Variants in STXBP3 observed in about 807,000 individuals in gnomAD.
STXBP3 encodes syntaxin binding protein 3.
A neutral mutation model predicts 85.7 loss-of-function variants in STXBP3; 41 were observed. That is an observed-to-expected ratio of 0.48 (90% CI 0.37 to 0.62). The LOEUF is 0.62. STXBP3 is among the 20% of genes least tolerant of loss of function. The pLI, the probability that STXBP3 is intolerant of heterozygous loss-of-function variation, is 0.00. For synonymous variants in STXBP3, 229 were observed against 231.7 expected (o/e 0.99, Z 0.10); for missense variants, 563 against 703.1 (o/e 0.80, Z 2.25).
intron 6 of STXBP3, among the ~76,000 whole-genome samples, chr1:108,764,282 T>C (rs1413707164): frequency 1.3e-5 from 2 of 152,220 alleles, no homozygotes; most frequent in Non-Finnish European, 2.9e-5. Flanking sequence ...ACCACATTTT[T>C]TTTAATCCAG....
chr1:108,750,135 C>T (rs1661870729), intron 1 of STXBP3, among the ~76,000 whole-genome samples: 1 of 151,930 alleles, frequency 6.6e-6, no homozygotes, highest in Non-Finnish European at 1.5e-5. Flanking sequence ...CAATCTGCTC[C>T]ATCATAAATT....
intron 11 of STXBP3, among the ~76,000 whole-genome samples, chr1:108,790,436 C>CT (rs952355690): frequency 9.2e-5 from 14 of 151,970 alleles, no homozygotes; most frequent in Admixed American, 2.6e-4. Context: ...TTTTCCCATC[C>CT]TTTACTTTCA....
At chr1:108,766,869 T>C (rs749835488) in intron 6 of STXBP3, 2 of 481,212 alleles carry the variant, frequency 4.2e-6, no homozygotes, top group Non-Finnish European at 8.3e-6. Context: ...TTGTGGTCTA[T>C]ACTTTGTAAG....
At chr1:108,752,060 A>G (rs1661916223) in intron 1 of STXBP3, among the ~76,000 whole-genome samples, 197 bp from the exon 2 acceptor site, 1 of 152,218 alleles carries the variant, frequency 6.6e-6, no homozygotes, top group Admixed American at 6.5e-5. Context: ...TAAAGTTAAA[A>G]AATTGATTAC....
At chr1:108,780,079 A>G (rs1405883821) in intron 9 of STXBP3, 3 of 152,134 alleles carry the variant, frequency 2.0e-5, no homozygotes, top group African/African-American at 7.2e-5. Context: ...CCAAACTGGT[A>G]TTTGTCAGCT....
At chr1:108,804,943 C>T (rs1227462291) in intron 17 of STXBP3, among the ~76,000 whole-genome samples, 1 of 152,188 alleles carries the variant, frequency 6.6e-6, no homozygotes, top group East Asian at 1.9e-4. Context: ...ATTTAGCTTC[C>T]TTTTTACCAA....
chr1:108,752,182 A>T, intron 1 of STXBP3, 75 bp from the exon 2 acceptor site: 1 of 1,349,210 alleles, frequency 7.4e-7, no homozygotes, highest in Non-Finnish European at 1.0e-6. Context: ...ATTTTTCCTT[A>T]GCCATTTTGG....
At chr1:108,770,974 C>T (rs964814054) in intron 6 of STXBP3, among the ~76,000 whole-genome samples, 6 of 151,954 alleles carry the variant, frequency 3.9e-5, no homozygotes, top group African/African-American at 7.3e-5. Context: ...AGCTAAAGAA[C>T]GGAAGACATG....
chr1:108,807,014 G>T (rs1477926869), intron 17 of STXBP3, among the ~76,000 whole-genome samples: 2 of 152,140 alleles, frequency 1.3e-5, no homozygotes, highest in African/African-American at 4.8e-5. Context: ...AGCACTTTGG[G>T]AGGCCAAGGT....
At chr1:108,804,359 A>T (rs909902042) in intron 17 of STXBP3, among the ~76,000 whole-genome samples, 1 of 151,666 alleles carries the variant, frequency 6.6e-6, no homozygotes, top group Non-Finnish European at 1.5e-5. Context: ...AGAAGTTCTC[A>T]TGTTTCTTTT....
chr1:108,779,442 A>G (rs1330536141), intron 9 of STXBP3, 32 bp downstream of exon 9: 2 of 1,592,610 alleles, frequency 1.3e-6, no homozygotes. Flanking sequence ...TATAAAGGGC[A>G]TATACAAACA....
intron 6 of STXBP3, among the ~76,000 whole-genome samples, chr1:108,760,863 C>CT (rs1425148474): frequency 2.0e-5 from 3 of 152,014 alleles, no homozygotes; most frequent in Admixed American, 2.0e-4. Context: ...CAAGGGATTT[C>CT]TACTATATTA....
intron 11 of STXBP3, among the ~76,000 whole-genome samples, chr1:108,785,910 A>G (rs1403068274): frequency 1.3e-5 from 2 of 152,136 alleles, no homozygotes; most frequent in Admixed American, 6.5e-5. Flanking sequence ...GATTATCCAT[A>G]TCACTGTCAG....
At chr1:108,746,860 C>T (rs938030646) in intron 1 of STXBP3, 74 bp downstream of exon 1, 11 of 1,487,056 alleles carry the variant, frequency 7.4e-6, no homozygotes, top group Admixed American at 2.0e-5. Flanking sequence ...TTTGCAGCCC[C>T]AACCCAGCGG....
chr1:108,776,316 CT>C lies in STXBP3; in HGVS notation c.594-11del. 7.0e-6 allele frequency: 11 copies of C among 1,566,440 alleles called. No individual in the cohort carries two copies. Among genetic ancestry groups the C allele is most frequent in the South Asian group, 1.2e-5 (1 of 85,630 alleles). On this transcript the variant is annotated splice_polypyrimidine_tract_variant and intron_variant, in intron 7 of 18. Coordinates refer to ENST00000370008, the MANE Select transcript of STXBP3 (RefSeq NM_007269.4). The stretch of plus-strand genomic sequence containing the variant: ...CTGAAAGAAAGATAATTGTTTGATC[CT>C]TTTTTCCATTTCTAGTAAACCTCTA...
intron 2 of STXBP3, 42 bp downstream of exon 2, chr1:108,752,348 C>T: frequency 6.4e-7 from 1 of 1,570,304 alleles, no homozygotes; most frequent in African/African-American, 1.4e-5. Context: ...ATAATACAAA[C>T]TTTAAAAACA....
chr1:108,749,145 G>A (rs1444869828), intron 1 of STXBP3, among the ~76,000 whole-genome samples: 1 of 152,138 alleles, frequency 6.6e-6, no homozygotes, highest in Admixed American at 6.5e-5. Context: ...GTCGATGCTG[G>A]GTGACAGTAG....
At chr1:108,776,123 C>T (rs536353391) in intron 7 of STXBP3, among the ~76,000 whole-genome samples, 6 of 152,056 alleles carry the variant, frequency 3.9e-5, no homozygotes, top group Middle Eastern at 3.4e-3. Context: ...AAATCTGAAG[C>T]AGATATGATA....
At chr1:108,754,470 G>A (rs953838291) in intron 3 of STXBP3, among the ~76,000 whole-genome samples, 4 of 152,166 alleles carry the variant, frequency 2.6e-5, no homozygotes, top group South Asian at 2.1e-4. Context: ...TATTGATTAA[G>A]CCACTTAAGT....
Sources: allele counts gnomAD v4.1 joint callset (sites outside exome capture counted in the v4.1 genomes callset), GRCh38; gene constraint gnomAD v4.1.1; transcripts MANE v1.5; gene names NCBI Gene and HGNC (gene_info 2026-07-23, HGNC 2026-07-21).